Variants in ARHGAP21 observed in about 807,000 individuals in gnomAD.
ARHGAP21 encodes rho GTPase-activating protein 21.
In ARHGAP21, 38 loss-of-function variants were observed where a neutral mutation model predicts 164.6. The ratio of observed to expected loss-of-function variants is 0.23; its 90% confidence interval spans 0.18 to 0.30. The LOEUF is 0.30. Among genes scored for constraint, ARHGAP21 ranks in the 10% least tolerant of loss-of-function variants. ARHGAP21 has a pLI of 1.00. For synonymous variants in ARHGAP21, 766 were observed against 857.9 expected (o/e 0.89, Z 1.87); for missense variants, 1,822 against 2,370.7 (o/e 0.77, Z 4.81).
At chr10:24,604,714 C>G (rs1310990153) in intron 11 of ARHGAP21, among the ~76,000 whole-genome samples, 1 of 152,082 alleles carries the variant, frequency 6.6e-6, no homozygotes, top group African/African-American at 2.4e-5. Context: ...GATCAGTAAG[C>G]AGTTGCCATT....
chr10:24,622,433 C>CATATAAATATATATATATAT (rs1834641784), intron 8 of ARHGAP21, among the ~76,000 whole-genome samples: 1 of 89,766 alleles, frequency 1.1e-5, no homozygotes, highest in African/African-American at 4.1e-5. Context: ...ACTTAAAAAA[C>CATATAAATATATATATATAT]ATATATATAT....
intron 4 of ARHGAP21, among the ~76,000 whole-genome samples, chr10:24,664,583 A>C (rs1840017697): frequency 6.6e-6 from 1 of 151,350 alleles, no homozygotes; most frequent in African/African-American, 2.4e-5. Flanking sequence ...TAATAATAAT[A>C]ATAATAACAG....
chr10:24,595,803 T>C lies in ARHGAP21; in HGVS notation c.3634-8A>G, dbSNP rs1564969036. 8 of 1,612,574 alleles carry C rather than the reference T, an allele frequency of 5.0e-6. No homozygotes were observed. The highest frequency in any genetic ancestry group is 5.1e-6 in the Non-Finnish European group (6 of 1,179,422). On this transcript the variant is annotated splice_polypyrimidine_tract_variant and splice_region_variant and intron_variant, in intron 18 of 25. Coordinates refer to ENST00000396432, the MANE Select transcript of ARHGAP21 (RefSeq NM_020824.4). ...ATTCAAATCTCGCCATTTCTAGGTG[T>C]ACAAAATAGAAATATAGTATTTTCA...
chr10:24,714,730 T>C (rs917704829), intron 2 of ARHGAP21, among the ~76,000 whole-genome samples: 2 of 152,266 alleles, frequency 1.3e-5, no homozygotes, highest in East Asian at 1.9e-4. Flanking sequence ...ATGAAGAAAC[T>C]TGCTTTTTAA....
At chr10:24,591,054 G>T in intron 24 of ARHGAP21, 171 bp downstream of exon 24, 1 of 560,198 alleles carries the variant, frequency 1.8e-6, no homozygotes, top group Non-Finnish European at 2.3e-6. Context: ...TAGAGTCACT[G>T]GAAGATAATT....
chr10:24,696,758 AG>A (rs935639106), intron 2 of ARHGAP21, among the ~76,000 whole-genome samples: 4 of 152,224 alleles, frequency 2.6e-5, no homozygotes, highest in African/African-American at 9.6e-5. Flanking sequence ...GAAGGCTCAG[AG>A]AATCGGGCCT....
At chr10:24,595,477 C>G (rs1260144503) in intron 19 of ARHGAP21, among the ~76,000 whole-genome samples, 3 of 152,114 alleles carry the variant, frequency 2.0e-5, no homozygotes, top group Non-Finnish European at 4.4e-5. Flanking sequence ...CTTATGATGT[C>G]AGAAGCCATT....
intron 4 of ARHGAP21, among the ~76,000 whole-genome samples, chr10:24,643,897 G>C (rs1307061539): frequency 1.3e-5 from 2 of 151,970 alleles, no homozygotes; most frequent in Non-Finnish European, 2.9e-5. Context: ...TATTTTTATA[G>C]AGACAAGGTC....
chr10:24,585,746 G>A lies in ARHGAP21; in HGVS notation c.4543C>T (p.Pro1515Ser). ...ATGGCAAAGCGACAGCTGAGAGTTG[G>A]TGACTTGTTGTGTTTTGAGTTGTGT... is the stretch of plus-strand genomic sequence containing the variant. ...PPHNSKHNKS[P>S]TLSCRFAILK... The change falls in exon 26 of 26, where the codon CCA (proline) becomes TCA (serine). Residue 1515 changes from proline to serine, a missense_variant. Around this residue, in one of 5 missense-constraint regions of ARHGAP21, gnomAD observed 333 missense variants for 383.9 expected, o/e 0.87. Coordinates refer to ENST00000396432, the MANE Select transcript of ARHGAP21 (RefSeq NM_020824.4). The A allele has an allele frequency of 6.2e-7, 1 of 1,613,998 alleles. No individual in the cohort carries two copies. Among genetic ancestry groups the A allele is most frequent in the Non-Finnish European group, 8.5e-7 (1 of 1,179,928 alleles).
chr10:24,652,833 G>A (rs541077064), intron 4 of ARHGAP21, among the ~76,000 whole-genome samples: 33 of 152,196 alleles, frequency 2.2e-4, no homozygotes, highest in African/African-American at 7.7e-4. Flanking sequence ...AAATGGGTAC[G>A]GTCCCCTCAG....
At chr10:24,648,367 T>C (rs1469052497) in intron 4 of ARHGAP21, among the ~76,000 whole-genome samples, 1 of 152,248 alleles carries the variant, frequency 6.6e-6, no homozygotes, top group Non-Finnish European at 1.5e-5. Context: ...GAAACACCAA[T>C]CTACTTCATC....
rs752822801 is a variant in ARHGAP21, at chr10:24,595,984, A to G, written c.3537T>C (p.Tyr1179=). The change falls in exon 18 of 26, where the codon TAT becomes TAC. Residue 1179 remains tyrosine, a synonymous_variant. Coordinates refer to ENST00000396432, the MANE Select transcript of ARHGAP21 (RefSeq NM_020824.4). ...TTCCAGGAACTCTATAAATACCTGTATATTCAAGACCTCTTTCTTCAACTA... is the reference window on the plus strand; with the variant it reads ...TTCCAGGAACTCTATAAATACCTGTGTATTCAAGACCTCTTTCTTCAACTA... The part of the protein sequence containing the change: ...CKLVEERGLE[Y]TGIYRVPGNN... 12 of 1,612,480 alleles carry G rather than the reference A, an allele frequency of 7.4e-6. No homozygotes were observed. Among genetic ancestry groups the G allele is most frequent in the Non-Finnish European group, 9.3e-6 (11 of 1,179,016 alleles).
At chr10:24,617,550 T>G (rs1239993662) in intron 9 of ARHGAP21, among the ~76,000 whole-genome samples, 2 of 152,134 alleles carry the variant, frequency 1.3e-5, no homozygotes, top group African/African-American at 4.8e-5. Flanking sequence ...TAGATATGAA[T>G]ATGGGTACAA....
Position 24,696,824 on chromosome 10 carries a change from G to A in ARHGAP21, c.63+25013C>T, listed in dbSNP as rs895239012. 3.9e-5 allele frequency among the ~76,000 whole-genome samples: 6 copies of A among 152,270 alleles called. 1 individual carries two copies. Among genetic ancestry groups the A allele is most frequent in the Non-Finnish European group, 4.4e-5 (3 of 68,020 alleles). ...ATCAGAAAACCAACCAGCTAACAGC[G>A]ACCCTCGGGAGGGCCCACAGGACAC... On this transcript the variant is annotated intron_variant, in intron 2 of 25. Coordinates refer to ENST00000396432, the MANE Select transcript of ARHGAP21 (RefSeq NM_020824.4).
chr10:24,699,317 AATT>A (rs998968827), intron 2 of ARHGAP21, among the ~76,000 whole-genome samples: 20 of 151,444 alleles, frequency 1.3e-4, no homozygotes, highest in Admixed American at 8.5e-4. Context: ...ACATCTTTAG[AATT>A]ATTATTATTA....
chr10:24,591,909 A>G lies in ARHGAP21; in HGVS notation c.3980T>C (p.Ile1327Thr). ...MVTHMPDQYKIVETLIQHHDW... is the reference protein window; with the variant it reads ...MVTHMPDQYKTVETLIQHHDW... ...TACGTGCTGGATGAGCGTTTCTACA[A>G]TCTTGTACTGGTCAGGCATGTGGGT... is the stretch of plus-strand genomic sequence containing the variant. Residue 1327 changes from isoleucine (I) to threonine (T), a missense_variant, in exon 22 of 26, where the codon ATT (isoleucine) becomes ACT (threonine). Ile to Thr is a moderately conservative substitution (Grantham distance 89, BLOSUM62 -1). Around this residue, in one of 5 missense-constraint regions of ARHGAP21, gnomAD observed 117 missense variants for 238.1 expected, o/e 0.49. Transcript: ENST00000396432. 1 of 1,612,882 alleles carries G rather than the reference A, an allele frequency of 6.2e-7. No individual in the cohort carries two copies. The highest frequency in any genetic ancestry group is 8.5e-7 in the Non-Finnish European group (1 of 1,179,860).
intron 3 of ARHGAP21, among the ~76,000 whole-genome samples, chr10:24,669,706 T>C (rs1374588366): frequency 6.6e-6 from 1 of 152,258 alleles, no homozygotes; most frequent in African/African-American, 2.4e-5. Flanking sequence ...TATCTCAGGC[T>C]GTCCTTTTCA....
intron 9 of ARHGAP21, among the ~76,000 whole-genome samples, chr10:24,615,636 A>G (rs897996803): frequency 3.3e-5 from 5 of 152,246 alleles, no homozygotes; most frequent in African/African-American, 1.2e-4. Context: ...GAGCTTCAGC[A>G]AAGTACTTAA....
rs189805531 is a variant in ARHGAP21 at position 24,594,636 on chromosome 10, G to C, written c.3876+314C>G. 1.0e-3 allele frequency among the ~76,000 whole-genome samples: 152 copies of C among 151,436 alleles called. 2 individuals are homozygous for C. The highest frequency in any genetic ancestry group is 6.5e-3 in the Admixed American group (98 of 15,168). ...TTCCCTGTATTCTATTTGGCCTTTTGACTGTTGTAGCGTATGCATATGTTA... is the reference window on the plus strand; with the variant it reads ...TTCCCTGTATTCTATTTGGCCTTTTCACTGTTGTAGCGTATGCATATGTTA... On this transcript the variant is annotated intron_variant, in intron 21 of 25. Coordinates refer to ENST00000396432, the MANE Select transcript of ARHGAP21 (RefSeq NM_020824.4).
Sources: allele counts gnomAD v4.1 joint callset (sites outside exome capture counted in the v4.1 genomes callset), GRCh38; gene constraint gnomAD v4.1.1; regional missense constraint gnomAD v4.1.1; transcripts MANE v1.5; gene names NCBI Gene and HGNC (gene_info 2026-07-23, HGNC 2026-07-21).